Variants in C8orf34 observed in about 807,000 individuals in gnomAD.
C8orf34 encodes the protein uncharacterized protein C8orf34.
A neutral mutation model predicts 68.3 loss-of-function variants in C8orf34; 65 were observed. That is an observed-to-expected ratio of 0.95 (90% CI 0.78 to 1.17). C8orf34 has a LOEUF of 1.17. Ranked by LOEUF, C8orf34 falls within the 50% of genes most tolerant of loss-of-function variation. The probability of loss-of-function intolerance (pLI) is 0.00; values close to 1 mark genes in which losing one functional copy is unlikely to be tolerated. For synonymous variants in C8orf34, 244 were observed against 241.2 expected (o/e 1.01, Z -0.11); for missense variants, 664 against 655.4 (o/e 1.01, Z -0.14).
At chr8:68,766,463 A>G (rs1458879140) in intron 10 of C8orf34, among the ~76,000 whole-genome samples, 1 of 152,236 alleles carries the variant, frequency 6.6e-6, no homozygotes, top group Non-Finnish European at 1.5e-5. Context: ...GGAGAATTTA[A>G]AGGCTTATTT....
intron 12 of C8orf34, among the ~76,000 whole-genome samples, chr8:68,801,034 A>G (rs1824313780): frequency 6.6e-6 from 1 of 152,170 alleles, no homozygotes; most frequent in African/African-American, 2.4e-5. Flanking sequence ...TCTTAATTTT[A>G]GATATAACTT....
chr8:68,614,318 C>A (rs1184604340), intron 7 of C8orf34, among the ~76,000 whole-genome samples: 4 of 152,240 alleles, frequency 2.6e-5, no homozygotes, highest in African/African-American at 9.6e-5. Flanking sequence ...TCAATTTTGG[C>A]TTTTGTTGCC....
At chr8:68,466,829 C>A (rs1812169795) in intron 3 of C8orf34, among the ~76,000 whole-genome samples, 1 of 148,426 alleles carries the variant, frequency 6.7e-6, no homozygotes, top group African/African-American at 2.5e-5. Context: ...AGGGTCGGTG[C>A]ATTTTTCATC....
chr8:68,610,508 A>G (rs1232540051), intron 7 of C8orf34, among the ~76,000 whole-genome samples: 1 of 152,202 alleles, frequency 6.6e-6, no homozygotes, highest in Non-Finnish European at 1.5e-5. Context: ...TTAAAATCTA[A>G]TGTAATCATA....
intron 3 of C8orf34, among the ~76,000 whole-genome samples, chr8:68,456,914 G>C (rs1032227159): frequency 6.6e-6 from 1 of 152,214 alleles, no homozygotes; most frequent in Admixed American, 6.5e-5. Flanking sequence ...GTTACCTATT[G>C]TATGGAATGG....
chr8:68,354,670 G>A (rs970388524), intron 1 of C8orf34, among the ~76,000 whole-genome samples: 3 of 152,100 alleles, frequency 2.0e-5, no homozygotes, highest in African/African-American at 4.8e-5. Flanking sequence ...GTCTCCTAGA[G>A]GTCACAGTCT....
chr8:68,633,753 A>G (rs1203010446), intron 7 of C8orf34, among the ~76,000 whole-genome samples: 1 of 152,196 alleles, frequency 6.6e-6, no homozygotes, highest in Admixed American at 6.5e-5. Flanking sequence ...AAGTCCCAAA[A>G]TAGGAAGGAA....
At chr8:68,545,060 C>G (rs1384313749) in intron 7 of C8orf34, among the ~76,000 whole-genome samples, 6 of 152,162 alleles carry the variant, frequency 3.9e-5, no homozygotes, top group Non-Finnish European at 7.4e-5. Flanking sequence ...GAAAAATACA[C>G]CTAGCCATAT....
chr8:68,505,623 C>A lies in C8orf34; in HGVS notation c.766-16176C>A, dbSNP rs867531972. 1.3e-4 allele frequency among the ~76,000 whole-genome samples: 17 copies of A among 130,886 alleles called. 6 individuals are homozygous for A. Among genetic ancestry groups the A allele is most frequent in the African/African-American group, 3.8e-4 (10 of 26,048 alleles). 85.9% of individuals were successfully genotyped at this position (130,886 alleles called of 152,430 possible). On this transcript the variant is annotated intron_variant, in intron 5 of 13. Transcript: ENST00000518698. ...GCGGGCGCCTGTAGTCCCAGCTACTCGGGAGGCTGAGGCAGGAGAATGGCG... is the reference window on the plus strand; with the variant it reads ...GCGGGCGCCTGTAGTCCCAGCTACTAGGGAGGCTGAGGCAGGAGAATGGCG...
intron 5 of C8orf34, among the ~76,000 whole-genome samples, chr8:68,515,152 T>C (rs2380471): frequency 0.18 from 26,960 of 152,158 alleles, 5,030 homozygotes; most frequent in African/African-American, 0.47. Context: ...CTTAAATATA[T>C]ACAATTTTTG....
At chr8:68,715,655 TAAAA>T (rs59970473) in intron 9 of C8orf34, among the ~76,000 whole-genome samples, 1 of 140,658 alleles carries the variant, frequency 7.1e-6, no homozygotes, top group Admixed American at 7.1e-5. Flanking sequence ...CTATAAAAAA[TAAAA>T]AAAAAAAAGA....
At chr8:68,432,907 A>T (rs1810507756) in intron 1 of C8orf34, among the ~76,000 whole-genome samples, 1 of 152,210 alleles carries the variant, frequency 6.6e-6, no homozygotes, top group Non-Finnish European at 1.5e-5. Flanking sequence ...TTCTACTGCC[A>T]TTCAAAAAAA....
intron 7 of C8orf34, chr8:68,533,797 T>G: frequency 1.0e-6 from 1 of 979,306 alleles, no homozygotes. Context: ...GAACTTCTCT[T>G]TGGAACATCA....
intron 1 of C8orf34, among the ~76,000 whole-genome samples, chr8:68,393,334 C>T (rs184284828): frequency 1.3e-5 from 2 of 152,132 alleles, no homozygotes; most frequent in East Asian, 3.9e-4. Flanking sequence ...TTCACTGCTG[C>T]AGGAAATGGA....
At position 68,632,216 on chromosome 8, in the gene C8orf34, A is replaced by G. The variant is rs1207222854; in HGVS notation, c.1106-8160A>G. 2.0e-5 allele frequency among the ~76,000 whole-genome samples: 3 copies of G among 152,188 alleles called. No homozygotes were observed. The East Asian group carries it at 5.8e-4, about 29-fold the overall frequency. ...TGAGGAACTTTTTGGGAACTGGAGC[A>G]GAGGTCACTCTTGTTATATCTTAGC... On this transcript the variant is annotated intron_variant, in intron 7 of 13. Transcript: ENST00000518698.
chr8:68,354,527 A>G (rs1041756781), intron 1 of C8orf34, among the ~76,000 whole-genome samples: 1 of 152,070 alleles, frequency 6.6e-6, no homozygotes, highest in African/African-American at 2.4e-5. Flanking sequence ...TTATTTTGAA[A>G]TAAAATAATG....
chr8:68,617,667 T>C (rs915872439), intron 7 of C8orf34, among the ~76,000 whole-genome samples: 3 of 152,246 alleles, frequency 2.0e-5, no homozygotes, highest in Non-Finnish European at 1.5e-5. Context: ...GTTAGTCTGA[T>C]GGGCTTCCCT....
chr8:68,746,281 C>G (rs1009930282), intron 10 of C8orf34, among the ~76,000 whole-genome samples: 4 of 144,478 alleles, frequency 2.8e-5, no homozygotes, highest in African/African-American at 5.1e-5. Flanking sequence ...CAAGAGAAAG[C>G]AGGAAAGATC....
At chr8:68,445,702 A>G (rs958179579) in intron 2 of C8orf34, among the ~76,000 whole-genome samples, 1 of 152,166 alleles carries the variant, frequency 6.6e-6, no homozygotes, top group Non-Finnish European at 1.5e-5. Flanking sequence ...GTTTATTTTT[A>G]TTTACAACAG....
Sources: allele counts gnomAD v4.1 joint callset (sites outside exome capture counted in the v4.1 genomes callset), GRCh38; gene constraint gnomAD v4.1.1; transcripts MANE v1.5; gene names NCBI Gene and HGNC (gene_info 2026-07-23, HGNC 2026-07-21).